Variants in CDH2 observed in about 807,000 individuals in gnomAD.
The protein encoded by CDH2 is cadherin 2.
CDH2 carries 17 observed loss-of-function variants against 92.0 expected under a neutral mutation model. The ratio of observed to expected loss-of-function variants is 0.18; its 90% CI spans 0.13 to 0.28. The LOEUF (loss-of-function observed/expected upper bound fraction) is 0.28, where lower values mean the gene tolerates loss of function less well. Ranked by LOEUF, CDH2 falls within the 10% of genes least tolerant of loss-of-function variation. The probability of loss-of-function intolerance (pLI) is 1.00; values close to 1 mark genes in which losing one functional copy is unlikely to be tolerated. For missense variants in CDH2, 862 were observed against 1,133.1 expected, an observed-to-expected ratio of 0.76 and a Z score of 3.44; for synonymous variants, 419 against 415.9, an observed-to-expected ratio of 1.01 and a Z score of -0.09.
rs142861371 is a variant in CDH2 at position 27,992,693 on chromosome 18, C to T, written c.1306G>A (p.Asp436Asn). 2.7e-5 allele frequency: 43 copies of T among 1,613,366 alleles called. No individual in the cohort carries two copies. In the African/African-American group the frequency reaches 4.1e-4, roughly 16 times the overall value. The change falls in exon 9 of 16, where the codon GAC becomes AAC. Residue 436 changes from aspartate (D) to asparagine (N), a missense_variant. Transcript: ENST00000269141. ...ACTAACCCGTCGTTGCTGTTTGGGTCGGTCTGGATGGCGAACCGTCCAGTA... is the reference window on the plus strand; with the variant it reads ...ACTAACCCGTCGTTGCTGTTTGGGTTGGTCTGGATGGCGAACCGTCCAGTA... ...DPTGRFAIQT[D>N]PNSNDGLVTV...
chr18:28,166,978 C>T (rs915100889), intron 1 of CDH2, among the ~76,000 whole-genome samples: 4 of 151,946 alleles, frequency 2.6e-5, no homozygotes, highest in African/African-American at 4.8e-5. Context: ...AAATGGTACC[C>T]GGATACACAC....
intron 11 of CDH2, among the ~76,000 whole-genome samples, chr18:27,987,967 A>G (rs992789862): frequency 3.9e-5 from 6 of 152,112 alleles, no homozygotes; most frequent in Admixed American, 1.3e-4. Flanking sequence ...TTTATATTAC[A>G]TATCTGAAAA....
intron 7 of CDH2, among the ~76,000 whole-genome samples, chr18:27,997,321 G>A (rs191497542): frequency 6.6e-6 from 1 of 152,292 alleles, no homozygotes; most frequent in East Asian, 1.9e-4. Flanking sequence ...CCAGGCAATG[G>A]AGTATTTACT....
At chr18:28,169,019 C>G (rs1007477687) in intron 1 of CDH2, among the ~76,000 whole-genome samples, 4 of 152,082 alleles carry the variant, frequency 2.6e-5, no homozygotes, top group Non-Finnish European at 5.9e-5. Flanking sequence ...TTTACCATCT[C>G]TAAAATGAGA....
intron 2 of CDH2, among the ~76,000 whole-genome samples, chr18:28,020,539 A>G (rs1033542871): frequency 6.6e-6 from 1 of 152,030 alleles, no homozygotes; most frequent in African/African-American, 2.4e-5. Flanking sequence ...TCTGTTATTA[A>G]AACATTTTCC....
At chr18:28,130,622 C>T (rs995437944) in intron 2 of CDH2, among the ~76,000 whole-genome samples, 8 of 152,292 alleles carry the variant, frequency 5.3e-5, no homozygotes, top group Admixed American at 2.0e-4. Flanking sequence ...GAAAATGGAG[C>T]GCATCCAGAT....
chr18:28,062,745 G>A (rs1043621272), intron 2 of CDH2, among the ~76,000 whole-genome samples: 6 of 152,152 alleles, frequency 3.9e-5, no homozygotes, highest in Non-Finnish European at 2.9e-5. Context: ...AGTCCAAGGC[G>A]AGCGGATGAC....
chr18:27,965,839 C>T (rs2011519693), intron 14 of CDH2, among the ~76,000 whole-genome samples: 1 of 151,492 alleles, frequency 6.6e-6, no homozygotes, highest in African/African-American at 2.4e-5. Flanking sequence ...CAAAAATCAG[C>T]CGGATGTGGT....
intron 2 of CDH2, among the ~76,000 whole-genome samples, chr18:28,107,039 A>G (rs2015333531): frequency 6.6e-6 from 1 of 152,108 alleles, no homozygotes; most frequent in Admixed American, 6.5e-5. Context: ...TGAAGCTGAA[A>G]AACTCCACAA....
intron 6 of CDH2, among the ~76,000 whole-genome samples, chr18:27,944,845 T>C (rs2143839130): frequency 6.6e-6 from 1 of 151,782 alleles, no homozygotes; most frequent in South Asian, 2.1e-4. Flanking sequence ...CCCAAGAAGT[T>C]TGAGGCGGCT....
intron 2 of CDH2, among the ~76,000 whole-genome samples, chr18:28,111,363 AT>A (rs1352494325): frequency 2.0e-5 from 3 of 152,254 alleles, no homozygotes; most frequent in African/African-American, 7.2e-5. Flanking sequence ...TGGATTTTCA[AT>A]ATTAGTTAGC....
Position 27,990,265 on chromosome 18 carries a change from G to A in CDH2, c.1430C>T (p.Pro477Leu), listed in dbSNP as rs182701313. The A allele has an allele frequency of 3.3e-5, 54 of 1,613,904 alleles. No individual in the cohort carries two copies. In the African/African-American group the frequency reaches 5.3e-4, roughly 16 times the overall value. The change falls in exon 10 of 16, where the codon CCC becomes CTC. Residue 477 changes from proline (P) to leucine (L), a missense_variant. This residue lies in a region of CDH2 where 564 missense variants were observed against 722.2 expected (regional missense o/e 0.78). Transcript: ENST00000269141. ...AGACACGGTTGCAGTTGACTGAGGG[G>A]GGTGCTGAATTCCCTTGGCTAATGG... is the stretch of plus-strand genomic sequence containing the variant. ...QVPLAKGIQH[P>L]PQSTATVSVT...
At chr18:27,939,083 G>A (rs2143832198) in intron 6 of CDH2, among the ~76,000 whole-genome samples, 1 of 151,754 alleles carries the variant, frequency 6.6e-6, no homozygotes, top group East Asian at 1.9e-4. Context: ...TTTTGGGAAT[G>A]CATTCTGCAT....
chr18:28,141,801 C>G (rs768546708), intron 2 of CDH2, among the ~76,000 whole-genome samples: 8 of 151,984 alleles, frequency 5.3e-5, no homozygotes, highest in Admixed American at 3.3e-4. Flanking sequence ...CTTATCTGAC[C>G]TCATCTGACC....
At position 28,009,322 on chromosome 18, in the gene CDH2, G is replaced by A. The variant is rs17493668; in HGVS notation, c.702+395C>T. 7.4e-3 allele frequency among the ~76,000 whole-genome samples: 1,134 copies of A among 152,230 alleles called. 14 individuals carry two copies. Among genetic ancestry groups the A allele is most frequent in the African/African-American group, 0.026 (1,070 of 41,538 alleles). On this transcript the variant is annotated intron_variant, in intron 5 of 15. Transcript: ENST00000269141. ...GAAAATTCAAAATAAGAAAGGAATA[G>A]GGGATTCACTTTGATTAGAATACTA... is the stretch of plus-strand genomic sequence containing the variant.
chr18:27,982,501 A>G (rs2012087779), intron 14 of CDH2, among the ~76,000 whole-genome samples: 2 of 152,332 alleles, frequency 1.3e-5, no homozygotes, highest in Non-Finnish European at 2.9e-5. Flanking sequence ...AACTCTGCCC[A>G]TGGAGGTATC....
intron 1 of CDH2, among the ~76,000 whole-genome samples, chr18:28,162,205 T>C (rs1277663353): frequency 6.6e-6 from 1 of 152,156 alleles, no homozygotes; most frequent in African/African-American, 2.4e-5. Flanking sequence ...AGGCCAAGGC[T>C]AAATGATCAA....
chr18:28,033,302 T>C (rs2013744420), intron 2 of CDH2, among the ~76,000 whole-genome samples: 2 of 152,000 alleles, frequency 1.3e-5, no homozygotes, highest in Admixed American at 1.3e-4. Flanking sequence ...TTCGGCAAGG[T>C]TTTAGGATGT....
intron 2 of CDH2, among the ~76,000 whole-genome samples, chr18:28,111,396 CTTT>C (rs988351024): frequency 2.6e-5 from 4 of 152,166 alleles, no homozygotes; most frequent in African/African-American, 7.2e-5. Flanking sequence ...ACAGAAGTGG[CTTT>C]TTAAAAGACT....
Sources: gnomAD v4.1 joint callset for allele counts (sites outside exome capture counted in the v4.1 genomes callset) on GRCh38, gnomAD v4.1.1 for gene constraint, gnomAD v4.1.1 regional missense constraint, MANE v1.5 for transcripts, NCBI Gene and HGNC (gene_info 2026-07-23, HGNC 2026-07-21) for gene names.